The following IFIT3 variants were observed in gnomAD, a reference collection of about 807,000 sequenced individuals.
IFIT3 encodes interferon-induced protein with tetratricopeptide repeats 3.
Under a neutral mutation model 2.4 loss-of-function variants are expected in IFIT3, and 2 were observed. That is an observed-to-expected ratio of 0.82 (90% CI 0.34 to 2.60). The LOEUF (loss-of-function observed/expected upper bound fraction) is 2.60, where lower values mean the gene tolerates loss of function less well. IFIT3 is among the 30% of genes most tolerant of loss of function. The pLI is 0.11. For synonymous variants in IFIT3, 203 were observed against 212.1 expected (o/e 0.96, Z 0.37); for missense variants, 481 against 562.4 (o/e 0.86, Z 1.46).
chr10:89,339,663 T>C lies in IFIT3; in HGVS notation c.1008T>C (p.Ala336=). 6.2e-7 allele frequency: 1 copy of C among 1,614,230 alleles called. No homozygotes were observed. The highest frequency in any genetic ancestry group is 8.5e-7 in the Non-Finnish European group (1 of 1,180,020). Residue 336 remains alanine (A), a synonymous_variant, in exon 2 of 2, where the codon GCT becomes GCC. Transcript: ENST00000371818. ...LNPLNAYSDL[A]EFLETECYQT... is the part of the protein sequence containing the mutation. ...CTCTGAATGCATACTCCGATCTCGCTGAGTTCCTGGAGACGGAATGTTATC... is the reference window on the plus strand; with the variant it reads ...CTCTGAATGCATACTCCGATCTCGCCGAGTTCCTGGAGACGGAATGTTATC...
intron 1 of IFIT3, chr10:89,335,472 G>C (rs961349339): frequency 6.6e-6 from 1 of 151,036 alleles, no homozygotes; most frequent in African/African-American, 2.4e-5. Context: ...GGAGAATCTT[G>C]AGCTATAAGT....
rs1476885421 is a variant in IFIT3 at position 89,338,704 on chromosome 10, A to C, written c.49A>C (p.Lys17Gln). 1 of 1,613,796 alleles carries C rather than the reference A, an allele frequency of 6.2e-7. No individual in the cohort carries two copies. Among genetic ancestry groups the C allele is most frequent in the Admixed American group, 1.7e-5 (1 of 60,002 alleles). Residue 17 changes from lysine to glutamine, a missense_variant, in exon 2 of 2, where the codon AAA (lysine) becomes CAA (glutamine). Coordinates refer to ENST00000371818, the MANE Select transcript of IFIT3 (RefSeq NM_001549.6). Reference sequence around the variant, plus strand: ...CCTGGAGAAAATCCTTCCACAGCTGAAATGCCATTTCACCTGGAACTTATT... The same window carrying C: ...CCTGGAGAAAATCCTTCCACAGCTGCAATGCCATTTCACCTGGAACTTATT... ...NSLEKILPQL[K>Q]CHFTWNLFKE...
In IFIT3 at chr10:89,339,689, A is replaced by T; in HGVS notation, c.1034A>T (p.Gln345Leu). 6.2e-7 allele frequency: 1 copy of T among 1,614,166 alleles called. No individual in the cohort carries two copies. Among genetic ancestry groups the T allele is most frequent in the Non-Finnish European group, 8.5e-7 (1 of 1,179,982 alleles). The change falls in exon 2 of 2, where the codon CAG becomes CTG. Residue 345 changes from glutamine (Q) to leucine (L), a missense_variant. Physicochemically the swap from Gln to Leu is moderately radical, Grantham distance 113. Transcript: ENST00000371818. Reference protein sequence around the residue: ...LAEFLETECYQTPFNKEVPDA... With the variant: ...LAEFLETECYLTPFNKEVPDA... ...GAGTTCCTGGAGACGGAATGTTATC[A>T]GACACCATTCAATAAGGAAGTCCCT... is the stretch of plus-strand genomic sequence containing the variant.
chr10:89,335,980 T>A (rs1332202970), intron 1 of IFIT3, among the ~76,000 whole-genome samples: 1 of 152,108 alleles, frequency 6.6e-6, no homozygotes. Flanking sequence ...TAAAGCCAAA[T>A]TGAAAACCCC....
At position 89,339,321 on chromosome 10, in the gene IFIT3, A is replaced by G. The variant is rs540964847; in HGVS notation, c.666A>G (p.Lys222=). 6 of 1,613,846 alleles carry G rather than the reference A, an allele frequency of 3.7e-6. No individual in the cohort carries two copies. In the Admixed American group the frequency reaches 1.0e-4, roughly 27 times the overall value. The change falls in exon 2 of 2, where the codon AAA becomes AAG. Residue 222 remains lysine, a synonymous_variant. Transcript: ENST00000371818. ...GCCTGAAACTGCAGAAGATGAATAAAGAAGCTGAAGGAGAGCAGTTTGTTG... is the reference window on the plus strand; with the variant it reads ...GCCTGAAACTGCAGAAGATGAATAAGGAAGCTGAAGGAGAGCAGTTTGTTG... The part of the protein sequence containing the change: ...LLGLKLQKMN[K]EAEGEQFVEE...
rs528956862 is a variant in IFIT3, at chr10:89,334,559, G to A, written c.6-4102G>A. On this transcript the variant is annotated intron_variant, in intron 1 of 1. Transcript: ENST00000371818. ...CGCCCAGGCTGGAGTGTAGTGGCCCGATCTTGGCTCACTGCAACCTCCGCC... is the reference window on the plus strand; with the variant it reads ...CGCCCAGGCTGGAGTGTAGTGGCCCAATCTTGGCTCACTGCAACCTCCGCC... Among the ~76,000 whole-genome samples the A allele has an allele frequency of 2.0e-4, 21 of 107,212 alleles. No individual in the cohort carries two copies. The Admixed American group carries it at 2.5e-3, about 13-fold the overall frequency. 70.3% of individuals were successfully genotyped at this position (107,212 alleles called of 152,430 possible).
intron 1 of IFIT3, among the ~76,000 whole-genome samples, chr10:89,331,843 A>G (rs1843654799): frequency 7.1e-6 from 1 of 141,222 alleles, no homozygotes; most frequent in Non-Finnish European, 1.5e-5. Flanking sequence ...TGGATGACAG[A>G]GTGAGATCCT....
Position 89,339,170 on chromosome 10 carries a change from T to C in IFIT3, c.515T>C (p.Phe172Ser). 6.2e-7 allele frequency: 1 copy of C among 1,614,030 alleles called. No individual in the cohort carries two copies. The highest frequency in any genetic ancestry group is 1.1e-5 in the South Asian group (1 of 91,072). The change falls in exon 2 of 2, where the codon TTC (phenylalanine) becomes TCC (serine). Residue 172 changes from phenylalanine to serine, a missense_variant. Transcript: ENST00000371818. ...GAAGAAAAGCCCAACAACCCAGAAT[T>C]CTCCTCTGGACTGGCAATTGCGATG... ...ALEEKPNNPEFSSGLAIAMYH... is the reference protein window; with the variant it reads ...ALEEKPNNPESSSGLAIAMYH...
At position 89,339,608 on chromosome 10, in the gene IFIT3, C is replaced by T. The variant is rs1341809117; in HGVS notation, c.953C>T (p.Ser318Leu). 26 of 1,613,990 alleles carry T rather than the reference C, an allele frequency of 1.6e-5. No homozygotes were observed. The highest frequency in any genetic ancestry group is 5.3e-5 in the African/African-American group (4 of 74,894). The change falls in exon 2 of 2, where the codon TCG becomes TTG. Residue 318 changes from serine to leucine, a missense_variant. Coordinates refer to ENST00000371818, the MANE Select transcript of IFIT3 (RefSeq NM_001549.6). ...EALKQYAMDY[S>L]NKALEKGLNP... Reference sequence around the variant, plus strand: ...CTAAAGCAATATGCTATGGACTATTCGAATAAAGCTCTTGAGAAGGGACTG... The same window carrying T: ...CTAAAGCAATATGCTATGGACTATTTGAATAAAGCTCTTGAGAAGGGACTG...
At chr10:89,332,403 G>A (rs1346709975) in intron 1 of IFIT3, 7 of 1,111,972 alleles carry the variant, frequency 6.3e-6, no homozygotes, top group Non-Finnish European at 8.5e-6. Context: ...ACATGTTCCT[G>A]GCGTGAGTGA....
intron 1 of IFIT3, chr10:89,335,461 G>A (rs190907214): frequency 6.6e-6 from 1 of 151,874 alleles, no homozygotes; most frequent in Admixed American, 6.6e-5. Flanking sequence ...TCATCTCAGA[G>A]GGAGAATCTT....
chr10:89,338,640 C>A, intron 1 of IFIT3, 21 bp from the exon 2 acceptor site: 2 of 1,597,158 alleles, frequency 1.3e-6, no homozygotes, highest in Non-Finnish European at 1.7e-6. Context: ...ATCACAGTGA[C>A]CATGTTTATT....
chr10:89,336,843 C>T (rs184774662), intron 1 of IFIT3, among the ~76,000 whole-genome samples: 97 of 152,222 alleles, frequency 6.4e-4, no homozygotes, highest in African/African-American at 1.8e-3. Context: ...CTTATGGTGC[C>T]GTGACTCCAC....
chr10:89,338,563 A>G lies in IFIT3; in HGVS notation c.6-98A>G, dbSNP rs1353081877. ...ATAATGTTGGACCAAATATCTGGGC[A>G]TCCTGTGGCCCAGTTCAATTGACAT... On this transcript the variant is annotated intron_variant, in intron 1 of 1. Transcript: ENST00000371818. 3.5e-6 allele frequency: 4 copies of G among 1,158,376 alleles called. No homozygotes were observed. In the East Asian group the frequency reaches 9.4e-5, roughly 27 times the overall value. The allele number at this position is 1,158,376 out of a possible 1,614,324, so 71.8% of individuals were successfully genotyped here. A position where few individuals can be genotyped will look rare whatever the true frequency, so the allele number is the denominator to read the frequency against.
At chr10:89,336,738 A>G (rs533470813) in intron 1 of IFIT3, among the ~76,000 whole-genome samples, 1 of 151,060 alleles carries the variant, frequency 6.6e-6, no homozygotes, top group South Asian at 2.1e-4. Flanking sequence ...TAGCAGCCCT[A>G]TTTGGTTCAT....
Position 89,338,987 on chromosome 10 carries a change from C to G in IFIT3, c.332C>G (p.Ser111Ter). ...GTCTACTATCACTTGGGCAGACTCT[C>G]AGATGCTCAGATTTATGTAGATAAG... ...AWVYYHLGRL[S>*]DAQIYVDKVK... Residue 111 changes from serine to a stop codon, truncating the protein, a stop_gained, in exon 2 of 2, where the codon TCA becomes TGA. Transcript: ENST00000371818. LOFTEE classifies it low-confidence loss of function (END_TRUNC). The G allele has an allele frequency of 1.2e-6, 2 of 1,614,150 alleles. No individual in the cohort carries two copies. Among genetic ancestry groups the G allele is most frequent in the Non-Finnish European group, 1.7e-6 (2 of 1,180,000 alleles).
In IFIT3 at chr10:89,339,410, G is replaced by C. The variant is rs1843811656; in HGVS notation, c.755G>C (p.Arg252Thr). Residue 252 changes from arginine (R) to threonine (T), a missense_variant, in exon 2 of 2, where the codon AGA becomes ACA. Arg to Thr is a moderately conservative substitution (Grantham distance 71). Transcript: ENST00000371818. ...DVLRSAAKFY[R>T]RKGDLDKAIE... ...CTCCGCAGTGCAGCCAAATTTTACA[G>C]AAGAAAAGGTGACCTAGACAAAGCT... The C allele has an allele frequency of 6.2e-7, 1 of 1,614,196 alleles. No individual in the cohort carries two copies. The highest frequency in any genetic ancestry group is 8.5e-7 in the Non-Finnish European group (1 of 1,180,020).
At position 89,339,734 on chromosome 10, in the gene IFIT3, C is replaced by T. The variant is rs201279901; in HGVS notation, c.1079C>T (p.Ser360Phe). ...KEVPDAEKQQ[S>F]HQRYCNLQKY... ...GTCCCTGATGCTGAAAAGCAACAAT[C>T]CCATCAGCGCTACTGCAACCTTCAG... The change falls in exon 2 of 2, where the codon TCC becomes TTC. Residue 360 changes from serine to phenylalanine, a missense_variant. Transcript: ENST00000371818. 2.5e-6 allele frequency: 4 copies of T among 1,614,022 alleles called. No homozygotes were observed. In the Admixed American group the frequency reaches 6.7e-5, roughly 27 times the overall value.
chr10:89,339,986 G>A lies in IFIT3; in HGVS notation c.1331G>A (p.Arg444His), dbSNP rs755384820. 7.4e-6 allele frequency: 12 copies of A among 1,614,072 alleles called. No homozygotes were observed. Among genetic ancestry groups the A allele is most frequent in the East Asian group, 4.5e-5 (2 of 44,898 alleles). ...AAATGTTATGAGAAGGAACTGGGCCGCCTGCTAAGGGATGCCCCTTCAGGC... is the reference window on the plus strand; with the variant it reads ...AAATGTTATGAGAAGGAACTGGGCCACCTGCTAAGGGATGCCCCTTCAGGC... ...AAKCYEKELGRLLRDAPSGIG... is the reference protein window; with the variant it reads ...AAKCYEKELGHLLRDAPSGIG... The change falls in exon 2 of 2, where the codon CGC becomes CAC. Residue 444 changes from arginine to histidine, a missense_variant. Transcript: ENST00000371818.
Sources: gnomAD v4.1 joint callset for allele counts (sites outside exome capture counted in the v4.1 genomes callset) on GRCh38, gnomAD v4.1.1 for gene constraint, MANE v1.5 for transcripts, NCBI Gene and HGNC (gene_info 2026-07-23, HGNC 2026-07-21) for gene names.